RABGAP1L: variants seen among roughly 807,000 people sequenced by gnomAD.
RABGAP1L encodes the protein rab GTPase-activating protein 1-like.
Under a neutral mutation model 137.7 loss-of-function variants are expected in RABGAP1L, and 63 were observed. The observed-to-expected ratio is 0.46, with a 90% CI of 0.37 to 0.56. The LOEUF is 0.56. RABGAP1L is among the 20% of genes least tolerant of loss of function. The pLI is 0.00. For synonymous variants in RABGAP1L, 431 were observed against 433.7 expected (o/e 0.99, Z 0.08); for missense variants, 1,095 against 1,244.0 (o/e 0.88, Z 1.80).
At chr1:174,230,089 C>G (rs528184213) in intron 3 of RABGAP1L, among the ~76,000 whole-genome samples, 1 of 152,190 alleles carries the variant, frequency 6.6e-6, no homozygotes, top group East Asian at 1.9e-4. Flanking sequence ...GAGTTCATGT[C>G]CTTTGTAGGG....
At chr1:174,339,247 T>C (rs1335798204) in intron 11 of RABGAP1L, among the ~76,000 whole-genome samples, 6 of 152,186 alleles carry the variant, frequency 3.9e-5, no homozygotes, top group Non-Finnish European at 5.9e-5. Context: ...GCGCAAAAAC[T>C]CAAATTTCAT....
chr1:174,340,836 G>A (rs758956701), intron 11 of RABGAP1L, among the ~76,000 whole-genome samples: 21 of 152,044 alleles, frequency 1.4e-4, no homozygotes, highest in Middle Eastern at 3.2e-3. Flanking sequence ...TAGATCTTTC[G>A]GGAATTGCCA....
intron 17 of RABGAP1L, among the ~76,000 whole-genome samples, chr1:174,739,036 A>G (rs1333086424): frequency 6.6e-6 from 1 of 152,158 alleles, no homozygotes; most frequent in Non-Finnish European, 1.5e-5. Context: ...CCTCCTCACT[A>G]TGGCAGGAAG....
intron 19 of RABGAP1L, chr1:174,892,548 A>G: frequency 1.9e-6 from 1 of 523,802 alleles, no homozygotes; most frequent in South Asian, 1.4e-5. Flanking sequence ...CTTAGCTTTG[A>G]AAAGAAGATT....
intron 13 of RABGAP1L, among the ~76,000 whole-genome samples, chr1:174,620,042 A>C (rs867108256): frequency 3.3e-4 from 50 of 152,326 alleles, no homozygotes; most frequent in African/African-American, 1.1e-3. Flanking sequence ...GAGACAAAGA[A>C]GGCCATTACA....
intron 12 of RABGAP1L, among the ~76,000 whole-genome samples, chr1:174,377,148 T>C (rs1685616139): frequency 6.6e-6 from 1 of 152,104 alleles, no homozygotes; most frequent in Non-Finnish European, 1.5e-5. Flanking sequence ...GAACAAATTG[T>C]GAGCTAAATA....
At chr1:174,490,209 A>G (rs1186736512) in intron 13 of RABGAP1L, among the ~76,000 whole-genome samples, 1 of 152,060 alleles carries the variant, frequency 6.6e-6, no homozygotes, top group Non-Finnish European at 1.5e-5. Context: ...TTCTGGGCTT[A>G]TTTGTAACGG....
At chr1:174,577,798 G>A (rs6691118) in intron 13 of RABGAP1L, among the ~76,000 whole-genome samples, 59,334 of 152,068 alleles carry the variant, frequency 0.39, 14,602 homozygotes, top group African/African-American at 0.7. Flanking sequence ...CCCAAATGTT[G>A]ATGGCTGGTA....
In RABGAP1L at chr1:174,170,187, A is replaced by G. The variant is rs558614622; in HGVS notation, c.-34+10530A>G. On this transcript the variant is annotated intron_variant, in intron 1 of 25. Coordinates refer to ENST00000681986, the MANE Select transcript of RABGAP1L (RefSeq NM_001366446.1). ...CTGTGAAATTCAGAGAGAATAAGTA[A>G]TTTAGACACAACTTCTTTCTCCTCT... 3.3e-5 allele frequency among the ~76,000 whole-genome samples: 5 copies of G among 152,300 alleles called. No individual in the cohort carries two copies. In the South Asian group the frequency reaches 1.0e-3, roughly 32 times the overall value.
intron 11 of RABGAP1L, among the ~76,000 whole-genome samples, chr1:174,321,397 C>T (rs941393904): frequency 6.6e-6 from 1 of 152,130 alleles, no homozygotes; most frequent in African/African-American, 2.4e-5. Context: ...ACTCCCTCCC[C>T]TTTGAAAATT....
intron 20 of RABGAP1L, among the ~76,000 whole-genome samples, chr1:174,962,855 T>C (rs1669283737): frequency 6.6e-6 from 1 of 152,174 alleles, no homozygotes; most frequent in South Asian, 2.1e-4. Context: ...CCCAGCACTT[T>C]GGGAGGCCAA....
At chr1:174,817,485 G>T (rs937769726) in intron 19 of RABGAP1L, among the ~76,000 whole-genome samples, 5 of 152,160 alleles carry the variant, frequency 3.3e-5, no homozygotes, top group African/African-American at 9.7e-5. Flanking sequence ...AGACCTGAAT[G>T]TAGGTCATGA....
At chr1:174,247,413 G>T (rs555656205) in intron 5 of RABGAP1L, among the ~76,000 whole-genome samples, 1 of 152,306 alleles carries the variant, frequency 6.6e-6, no homozygotes, top group East Asian at 1.9e-4. Context: ...TGTTGTAGGA[G>T]TTATTAAGAA....
chr1:174,785,666 C>T (rs922584615), intron 18 of RABGAP1L, among the ~76,000 whole-genome samples: 18 of 152,170 alleles, frequency 1.2e-4, no homozygotes, highest in South Asian at 2.1e-4. Context: ...CTTTTAAGAA[C>T]GGGACCATTC....
intron 19 of RABGAP1L, among the ~76,000 whole-genome samples, chr1:174,898,161 G>A (rs1037752709): frequency 6.6e-6 from 1 of 152,066 alleles, no homozygotes; most frequent in Admixed American, 6.6e-5. Flanking sequence ...TGGTAGCCTA[G>A]GTTTCATCTT....
In RABGAP1L at chr1:174,848,429, T is replaced by G. The variant is rs1198011112; in HGVS notation, c.2340+36469T>G. On this transcript the variant is annotated intron_variant, in intron 19 of 25. Transcript: ENST00000681986. ...TTGGTGTGGATGTCCTTTCTGTTTG[T>G]TAGTTTTCCTTCTAACAGACAGGAC... Among the ~76,000 whole-genome samples, 44 of 144,152 alleles carry G rather than the reference T, an allele frequency of 3.1e-4. No homozygotes were observed. The Middle Eastern group carries it at 0.011, about 35-fold the overall frequency. The allele number at this position is 144,152 out of a possible 152,430, so 94.6% of individuals were successfully genotyped here.
intron 19 of RABGAP1L, among the ~76,000 whole-genome samples, chr1:174,838,668 G>A (rs1419074663): frequency 6.6e-6 from 1 of 151,980 alleles, no homozygotes; most frequent in East Asian, 1.9e-4. Context: ...TGTGGCTCAC[G>A]CTTGTAATCC....
chr1:174,638,891 TTGGGGGA>T (rs1318463241), intron 14 of RABGAP1L, among the ~76,000 whole-genome samples: 2 of 97,272 alleles, frequency 2.1e-5, no homozygotes, highest in Non-Finnish European at 3.9e-5. Flanking sequence ...TGTGGTGGGG[TTGGGGGA>T]GGGGGGAGGG....
In RABGAP1L at chr1:174,930,840, TCATAAC is replaced by T. The variant is rs569104825; in HGVS notation, c.2341-26611_2341-26606del. On this transcript the variant is annotated intron_variant, in intron 19 of 25. Coordinates refer to ENST00000681986, the MANE Select transcript of RABGAP1L (RefSeq NM_001366446.1). Reference sequence around the variant, plus strand: ...ATCTTAACACATAAGGACTTTAAAATCATAACCATAATATTGATATCAGACCCACTG... The same window carrying T: ...ATCTTAACACATAAGGACTTTAAAATCATAATATTGATATCAGACCCACTG... Among the ~76,000 whole-genome samples the T allele has an allele frequency of 7.9e-4, 120 of 152,294 alleles. 5 individuals are homozygous for T. The South Asian group carries it at 0.024, about 31-fold the overall frequency.
Sources: allele counts gnomAD v4.1 joint callset (sites outside exome capture counted in the v4.1 genomes callset), GRCh38; gene constraint gnomAD v4.1.1; transcripts MANE v1.5; gene names NCBI Gene and HGNC (gene_info 2026-07-23, HGNC 2026-07-21).